The following LMNB1 variants were observed in gnomAD, a reference collection of about 807,000 sequenced individuals.
The protein encoded by LMNB1 is lamin-B1.
LMNB1 carries 23 observed loss-of-function variants against 67.1 expected under a neutral mutation model. The observed-to-expected ratio is 0.34, with a 90% CI of 0.25 to 0.49. The LOEUF is 0.49. Ranked by LOEUF, LMNB1 falls within the 20% of genes least tolerant of loss-of-function variation. The pLI is 0.99. For missense variants in LMNB1, 634 were observed against 746.5 expected, an observed-to-expected ratio of 0.85 and a Z score of 1.76; for synonymous variants, 281 against 282.9, an observed-to-expected ratio of 0.99 and a Z score of 0.07.
At position 126,829,986 on chromosome 5, in the gene LMNB1, C is replaced by T. The variant is rs114763986; in HGVS notation, c.1612-2708C>T. Among the ~76,000 whole-genome samples the T allele has an allele frequency of 4.8e-3, 724 of 152,116 alleles. 6 individuals are homozygous for T. The highest frequency in any genetic ancestry group is 0.016 in the African/African-American group (674 of 41,464). ...GGAAATAAAAAATAAAGCAGTCCTTCCAAACTTTCCAGAATATAGATATAA... is the reference window on the plus strand; with the variant it reads ...GGAAATAAAAAATAAAGCAGTCCTTTCAAACTTTCCAGAATATAGATATAA... On this transcript the variant is annotated intron_variant, in intron 9 of 10. Coordinates refer to ENST00000261366, the MANE Select transcript of LMNB1 (RefSeq NM_005573.4).
rs1751988479 is a variant in LMNB1 at position 126,826,006 on chromosome 5, G to A, written c.1510G>A (p.Gly504Ser). The A allele has an allele frequency of 6.2e-7, 1 of 1,613,762 alleles. No homozygotes were observed. Among genetic ancestry groups the A allele is most frequent in the Admixed American group, 1.7e-5 (1 of 59,958 alleles). Reference protein sequence around the residue: ...QTVTIWAANAGVTASPPTDLI... With the variant: ...QTVTIWAANASVTASPPTDLI... ...TTTACAGATTTGGGCTGCAAACGCTGGTGTCACAGCCAGCCCCCCAACTGA... is the reference window on the plus strand; with the variant it reads ...TTTACAGATTTGGGCTGCAAACGCTAGTGTCACAGCCAGCCCCCCAACTGA... Residue 504 changes from glycine to serine, a missense_variant, in exon 9 of 11, where the codon GGT becomes AGT. Transcript: ENST00000261366.
At chr5:126,778,959 G>A (rs1189050568) in intron 1 of LMNB1, among the ~76,000 whole-genome samples, 2 of 152,150 alleles carry the variant, frequency 1.3e-5, no homozygotes, top group Non-Finnish European at 2.9e-5. Flanking sequence ...AAGCAAAATG[G>A]CCTGTCATCA....
intron 5 of LMNB1, among the ~76,000 whole-genome samples, chr5:126,814,831 C>T (rs1377792175): frequency 6.6e-6 from 1 of 152,132 alleles, no homozygotes; most frequent in Non-Finnish European, 1.5e-5. Context: ...TGAGCTGCTG[C>T]CTTAAATGCT....
chr5:126,797,840 C>T (rs1421007249), intron 1 of LMNB1, among the ~76,000 whole-genome samples: 1 of 152,154 alleles, frequency 6.6e-6, no homozygotes, highest in Non-Finnish European at 1.5e-5. Context: ...CTTCGGGAGG[C>T]TGAGGCGGAC....
intron 1 of LMNB1, among the ~76,000 whole-genome samples, chr5:126,793,330 T>TG (rs568145804): frequency 1.3e-3 from 205 of 152,232 alleles, no homozygotes; most frequent in African/African-American, 4.4e-3. Flanking sequence ...TGATTTTTTT[T>TG]TTTGTTTCAA....
chr5:126,816,776 A>T (rs191797942), intron 5 of LMNB1, among the ~76,000 whole-genome samples: 24 of 152,202 alleles, frequency 1.6e-4, no homozygotes, highest in African/African-American at 5.8e-4. Flanking sequence ...ACGTGATTAG[A>T]CTGGGGTTTT....
rs70997314 is a variant in LMNB1 at position 126,795,933 on chromosome 5, C to CTTTTTTTTTTTTTTTTTTT, written c.360-8827_360-8826insTTTTTTTTTTTTTTTTTTT. On this transcript the variant is annotated intron_variant, in intron 1 of 10. Coordinates refer to ENST00000261366, the MANE Select transcript of LMNB1 (RefSeq NM_005573.4). ...GAGCCACTGCGCCTGGCCCAGGATG[C>CTTTTTTTTTTTTTTTTTTT]TTTTTTTTTTTTTTTTGAGACGGAG... Among the ~76,000 whole-genome samples the CTTTTTTTTTTTTTTTTTTT allele has an allele frequency of 3.3e-4, 27 of 82,096 alleles. 5 individuals are homozygous for CTTTTTTTTTTTTTTTTTTT. The highest frequency in any genetic ancestry group is 1.0e-3 in the African/African-American group (23 of 22,170). The allele number at this position is 82,096 out of a possible 152,430, so 53.9% of individuals were successfully genotyped here.
At chr5:126,815,006 C>T (rs1014242325) in intron 5 of LMNB1, among the ~76,000 whole-genome samples, 4 of 152,112 alleles carry the variant, frequency 2.6e-5, no homozygotes, top group Admixed American at 1.3e-4. Context: ...TTTTTAATTT[C>T]TCTGGGGTGA....
chr5:126,829,628 C>G (rs1352948408), intron 9 of LMNB1, among the ~76,000 whole-genome samples: 1 of 151,754 alleles, frequency 6.6e-6, no homozygotes, highest in African/African-American at 2.4e-5. Flanking sequence ...ATCCAGCCCA[C>G]CAAATAATCT....
At chr5:126,819,851 G>T (rs534445857) in intron 6 of LMNB1, among the ~76,000 whole-genome samples, 1 of 152,238 alleles carries the variant, frequency 6.6e-6, no homozygotes, top group African/African-American at 2.4e-5. Context: ...TCTCAGAAAA[G>T]AGTTCCAAAA....
At chr5:126,785,724 AACCCTTAG>A (rs1350439892) in intron 1 of LMNB1, among the ~76,000 whole-genome samples, 263 of 96,722 alleles carry the variant, frequency 2.7e-3, no homozygotes, top group African/African-American at 8.9e-3. Flanking sequence ...GGTTGGGCCC[AACCCTTAG>A]GTTGGGACCA....
In LMNB1 at chr5:126,777,503, C is replaced by T; in HGVS notation, c.-6C>T. 1 of 1,331,116 alleles carries T rather than the reference C, an allele frequency of 7.5e-7. No individual in the cohort carries two copies. Among genetic ancestry groups the T allele is most frequent in the Non-Finnish European group, 9.6e-7 (1 of 1,043,618 alleles). 82.5% of individuals were successfully genotyped at this position (1,331,116 alleles called of 1,614,324 possible). ...CCTCGCCGCCCCGCTGTCTCCGCCG[C>T]CCGCCATGGCGACTGCGACCCCCGT... On this transcript the variant is annotated 5_prime_UTR_variant, in exon 1 of 11. Transcript: ENST00000261366.
intron 1 of LMNB1, among the ~76,000 whole-genome samples, chr5:126,785,633 T>C (rs73333449): frequency 6.6e-6 from 1 of 151,976 alleles, no homozygotes; most frequent in East Asian, 1.9e-4. Context: ...AAAAATTAAA[T>C]TTTTTAAACA....
chr5:126,794,125 A>G (rs1465252960), intron 1 of LMNB1, among the ~76,000 whole-genome samples: 1 of 152,044 alleles, frequency 6.6e-6, no homozygotes, highest in Admixed American at 6.6e-5. Context: ...GTATTTCACC[A>G]TGTTGACCAG....
At chr5:126,829,614 G>C (rs1340433546) in intron 9 of LMNB1, among the ~76,000 whole-genome samples, 2 of 151,624 alleles carry the variant, frequency 1.3e-5, no homozygotes, top group East Asian at 3.9e-4. Context: ...TAAAAGAATG[G>C]ACAATCCAGC....
intron 1 of LMNB1, among the ~76,000 whole-genome samples, chr5:126,782,538 T>C (rs577153176): frequency 4.9e-4 from 75 of 152,114 alleles, no homozygotes; most frequent in Middle Eastern, 3.4e-3. Context: ...TAAAAGATGG[T>C]GAATTTTTGT....
chr5:126,789,934 A>G (rs779497594), intron 1 of LMNB1, among the ~76,000 whole-genome samples: 1 of 151,930 alleles, frequency 6.6e-6, no homozygotes, highest in Non-Finnish European at 1.5e-5. Context: ...CGGCCTCCCA[A>G]AGTGCTGGGA....
chr5:126,784,186 G>A (rs1199851624), intron 1 of LMNB1, among the ~76,000 whole-genome samples: 1 of 150,026 alleles, frequency 6.7e-6, no homozygotes, highest in Non-Finnish European at 1.5e-5. Flanking sequence ...CACTACACCC[G>A]GCTGATTTTG....
intron 1 of LMNB1, among the ~76,000 whole-genome samples, chr5:126,799,690 A>G (rs17598783): frequency 0.29 from 44,435 of 152,102 alleles, 6,663 homozygotes; most frequent in East Asian, 0.35. Context: ...GTAGATACTC[A>G]GTAATGTCTG....
Sources: allele counts gnomAD v4.1 joint callset (sites outside exome capture counted in the v4.1 genomes callset), GRCh38; gene constraint gnomAD v4.1.1; transcripts MANE v1.5; gene names NCBI Gene and HGNC (gene_info 2026-07-23, HGNC 2026-07-21).